The following NPSR1 variants were observed in gnomAD, a reference collection of about 807,000 sequenced individuals.
The protein encoded by NPSR1 is neuropeptide S receptor 1.
Under a neutral mutation model 46.9 loss-of-function variants are expected in NPSR1, and 48 were observed. The observed-to-expected ratio is 1.02, with a 90% CI of 0.81 to 1.30. The LOEUF (loss-of-function observed/expected upper bound fraction) is 1.30. Among genes scored for constraint, NPSR1 ranks in the 50% most tolerant of loss-of-function variants. The probability of loss-of-function intolerance (pLI) is 0.00; values close to 1 mark genes in which losing one functional copy is unlikely to be tolerated. For synonymous variants in NPSR1, 176 were observed against 168.1 expected (o/e 1.05, Z -0.36); for missense variants, 450 against 449.5 (o/e 1.00, Z -0.01).
chr7:34,729,012 CATT>C (rs1262042215), intron 2 of NPSR1, among the ~76,000 whole-genome samples: 3 of 152,164 alleles, frequency 2.0e-5, no homozygotes, highest in African/African-American at 7.2e-5. Context: ...GACCTAAGAA[CATT>C]AATACAGGAA....
At chr7:34,788,429 C>A (rs1261964320) in intron 3 of NPSR1, among the ~76,000 whole-genome samples, 5 of 151,788 alleles carry the variant, frequency 3.3e-5, no homozygotes, top group African/African-American at 1.2e-4. Flanking sequence ...ATTAAAATGG[C>A]AATTTAGGGC....
At chr7:34,842,313 T>C (rs979212548) in intron 6 of NPSR1, among the ~76,000 whole-genome samples, 2 of 152,196 alleles carry the variant, frequency 1.3e-5, no homozygotes, top group Non-Finnish European at 2.9e-5. Context: ...CCTGTGTCCT[T>C]CCCAAGATCC....
At chr7:34,728,439 A>G (rs1784264695) in intron 2 of NPSR1, among the ~76,000 whole-genome samples, 1 of 152,186 alleles carries the variant, frequency 6.6e-6, no homozygotes, top group African/African-American at 2.4e-5. Context: ...CAGTGATGCT[A>G]ACTAGAGAGG....
At chr7:34,675,393 C>G (rs571249898) in intron 1 of NPSR1, among the ~76,000 whole-genome samples, 1 of 152,302 alleles carries the variant, frequency 6.6e-6, no homozygotes, top group East Asian at 1.9e-4. Flanking sequence ...ATCACTATTC[C>G]TTGGATCTGG....
intron 1 of NPSR1, among the ~76,000 whole-genome samples, chr7:34,663,853 T>A (rs1049812509): frequency 6.6e-6 from 1 of 152,194 alleles, no homozygotes; most frequent in African/African-American, 2.4e-5. Context: ...ATATCCTCAC[T>A]GAGGTATTTT....
At chr7:34,746,977 T>C (rs1369809795) in intron 2 of NPSR1, among the ~76,000 whole-genome samples, 1 of 151,772 alleles carries the variant, frequency 6.6e-6, no homozygotes, top group Non-Finnish European at 1.5e-5. Context: ...ATACAAAAAT[T>C]AGCTGTGCAT....
intron 2 of NPSR1, among the ~76,000 whole-genome samples, chr7:34,701,017 T>C (rs1011904369): frequency 6.6e-6 from 1 of 152,240 alleles, no homozygotes; most frequent in African/African-American, 2.4e-5. Context: ...CAAACCTCTT[T>C]CCTTGTTTTG....
At chr7:34,870,728 G>GC (rs1389062991) in intron 8 of NPSR1, among the ~76,000 whole-genome samples, 1 of 151,742 alleles carries the variant, frequency 6.6e-6, no homozygotes, top group Non-Finnish European at 1.5e-5. Flanking sequence ...CAATTAATAA[G>GC]CCCCCTGGGA....
At chr7:34,682,306 T>G (rs1792683773) in intron 1 of NPSR1, among the ~76,000 whole-genome samples, 1 of 152,210 alleles carries the variant, frequency 6.6e-6, no homozygotes, top group South Asian at 2.1e-4. Flanking sequence ...TTTGATGGCC[T>G]TCTGTCATAC....
At chr7:34,669,734 C>T (rs1791947680) in intron 1 of NPSR1, among the ~76,000 whole-genome samples, 1 of 152,142 alleles carries the variant, frequency 6.6e-6, no homozygotes, top group Non-Finnish European at 1.5e-5. Flanking sequence ...GCCTACCAGA[C>T]AACCAAACAG....
chr7:34,872,245 T>G (rs1791473834), intron 8 of NPSR1, among the ~76,000 whole-genome samples: 1 of 151,986 alleles, frequency 6.6e-6, no homozygotes, highest in Non-Finnish European at 1.5e-5. Flanking sequence ...GAGTCATGCC[T>G]GAAGCCAGAG....
rs537823463 is a variant in NPSR1, at chr7:34,868,549, T to C, written c.1026-9527T>C. Among the ~76,000 whole-genome samples the C allele has an allele frequency of 4.4e-4, 67 of 151,664 alleles. 2 individuals carry two copies. The highest frequency in any genetic ancestry group is 1.4e-3 in the African/African-American group (58 of 41,014). Reference sequence around the variant, plus strand: ...CAGCAGGATGCACCACTAGGCACAGTAGTGTCTACGCTTGTCCAGCAGACA... The same window carrying C: ...CAGCAGGATGCACCACTAGGCACAGCAGTGTCTACGCTTGTCCAGCAGACA... On this transcript the variant is annotated intron_variant, in intron 8 of 8. Transcript: ENST00000359791.
intron 8 of NPSR1, among the ~76,000 whole-genome samples, chr7:34,863,501 C>G (rs911513422): frequency 1.3e-5 from 2 of 151,770 alleles, no homozygotes; most frequent in African/African-American, 4.9e-5. Context: ...GGCTAATATC[C>G]AGAATCTACA....
At chr7:34,858,412 T>C (rs929774574) in intron 8 of NPSR1, among the ~76,000 whole-genome samples, 1 of 151,728 alleles carries the variant, frequency 6.6e-6, no homozygotes, top group African/African-American at 2.4e-5. Context: ...TTTAAAAACA[T>C]AATATAAAGG....
intron 2 of NPSR1, chr7:34,758,081 A>C (rs1785961444): frequency 6.6e-6 from 1 of 152,656 alleles, no homozygotes; most frequent in African/African-American, 2.4e-5. Flanking sequence ...CACCAGGTCT[A>C]TGCTTCAGTT....
intron 2 of NPSR1, among the ~76,000 whole-genome samples, chr7:34,697,469 A>T (rs149726406): frequency 1.9e-3 from 294 of 152,016 alleles, no homozygotes; most frequent in Non-Finnish European, 3.4e-3. Flanking sequence ...TCCATGGAGG[A>T]TTAGTTCCAG....
At chr7:34,734,899 C>G (rs1331473722) in intron 2 of NPSR1, among the ~76,000 whole-genome samples, 2 of 152,124 alleles carry the variant, frequency 1.3e-5, no homozygotes, top group African/African-American at 4.8e-5. Context: ...TTATATTTTT[C>G]TCTCTTAGCT....
intron 3 of NPSR1, among the ~76,000 whole-genome samples, chr7:34,784,645 C>CT (rs896468933): frequency 2.2e-4 from 34 of 151,910 alleles, no homozygotes; most frequent in African/African-American, 6.0e-4. Flanking sequence ...CTAAAATTCT[C>CT]TTTTTTTTGT....
chr7:34,841,465 G>T (rs1023770699), intron 6 of NPSR1, among the ~76,000 whole-genome samples: 2 of 152,200 alleles, frequency 1.3e-5, no homozygotes, highest in Non-Finnish European at 2.9e-5. Flanking sequence ...GTCCCAAATC[G>T]AATGGACGTG....
Sources: gnomAD v4.1 joint callset for allele counts (sites outside exome capture counted in the v4.1 genomes callset) on GRCh38, gnomAD v4.1.1 for gene constraint, MANE v1.5 for transcripts, NCBI Gene and HGNC (gene_info 2026-07-23, HGNC 2026-07-21) for gene names.